The following RAB3C variants were observed in gnomAD, a reference collection of about 807,000 sequenced individuals.
RAB3C encodes ras-related protein Rab-3C.
In RAB3C, 17 loss-of-function variants were observed where a neutral mutation model predicts 26.4. That is an observed-to-expected ratio of 0.64 (90% CI 0.44 to 0.97). RAB3C has a LOEUF of 0.97. Ranked by LOEUF, RAB3C falls within the 50% of genes least tolerant of loss-of-function variation. RAB3C has a pLI of 0.00. For synonymous variants in RAB3C, 91 were observed against 95.9 expected, an observed-to-expected ratio of 0.95 and a Z score of 0.30; for missense variants, 242 against 281.9, an observed-to-expected ratio of 0.86 and a Z score of 1.01.
At chr5:58,615,378 A>G (rs961620563) in intron 1 of RAB3C, among the ~76,000 whole-genome samples, 2 of 152,144 alleles carry the variant, frequency 1.3e-5, no homozygotes, top group Admixed American at 6.6e-5. Context: ...AGGTAAAATA[A>G]TCTTCTTAAT....
At position 58,617,847 on chromosome 5, in the gene RAB3C, A is replaced by G; in HGVS notation, c.229A>G (p.Lys77Glu). 2 of 1,610,782 alleles carry G rather than the reference A, an allele frequency of 1.2e-6. No homozygotes were observed. Among genetic ancestry groups the G allele is most frequent in the Non-Finnish European group, 1.7e-6 (2 of 1,177,664 alleles). The change falls in exon 2 of 5, where the codon AAG (lysine) becomes GAG (glutamate). Residue 77 changes from lysine to glutamate, a missense_variant. By Grantham distance (56) the Lys-to-Glu change is moderately conservative. Coordinates refer to ENST00000282878, the MANE Select transcript of RAB3C (RefSeq NM_138453.4). ...FKVKTVFKNE[K>E]RIKLQIWDTA... ...AGTAAAAACTGTATTCAAAAATGAA[A>G]AGAGAATCAAGCTTCAGATTTGGGT...
intron 3 of RAB3C, chr5:58,823,249 G>A (rs919961108): frequency 2.4e-5 from 6 of 251,136 alleles, no homozygotes; most frequent in African/African-American, 4.5e-5. Context: ...ATATTGGCTG[G>A]GCACGGTGGC....
intron 4 of RAB3C, among the ~76,000 whole-genome samples, chr5:58,848,091 G>A (rs911117282): frequency 4.6e-5 from 7 of 151,958 alleles, no homozygotes; most frequent in African/African-American, 1.2e-4. Context: ...TCCTGACCTC[G>A]GTGATCCACC....
intron 3 of RAB3C, among the ~76,000 whole-genome samples, chr5:58,821,996 G>GTT (rs34762006): frequency 5.9e-5 from 9 of 151,608 alleles, no homozygotes; most frequent in Admixed American, 6.6e-5. Context: ...TTACAAATCT[G>GTT]TTTTTTTTCA....
chr5:58,699,948 G>A (rs1748806394), intron 2 of RAB3C, among the ~76,000 whole-genome samples: 1 of 152,212 alleles, frequency 6.6e-6, no homozygotes, highest in Non-Finnish European at 1.5e-5. Context: ...GCCCTGCTTT[G>A]GCTCACCCTC....
chr5:58,619,149 CT>C (rs5868122), intron 2 of RAB3C, among the ~76,000 whole-genome samples: 2,674 of 151,768 alleles, frequency 0.018, 92 homozygotes, highest in East Asian at 0.15. Context: ...TTACAATAGG[CT>C]GTTACTATTT....
rs869039335 is a variant in RAB3C, at chr5:58,813,592, T to TTATATATATATATATATATA, written c.372-11423_372-11404dup. ...TGTTATGGTTAATTTATATTTATAT[T>TTATATATATATATATATATA]TATATATATATATATATATATATAT... On this transcript the variant is annotated intron_variant, in intron 3 of 4. Transcript: ENST00000282878. Among the ~76,000 whole-genome samples the TTATATATATATATATATATA allele has an allele frequency of 6.3e-5, 3 of 47,816 alleles. No individual in the cohort carries two copies. In the Admixed American group the frequency reaches 7.0e-4, roughly 11 times the overall value. 31.4% of individuals were successfully genotyped at this position (47,816 alleles called of 152,430 possible).
intron 3 of RAB3C, among the ~76,000 whole-genome samples, chr5:58,782,161 G>GA (rs889107610): frequency 3.9e-5 from 6 of 152,114 alleles, no homozygotes; most frequent in Non-Finnish European, 4.4e-5. Flanking sequence ...AAGAATGAAT[G>GA]AATGAATGGG....
rs947322892 is a variant in RAB3C at position 58,797,666 on chromosome 5, G to T, written c.372-27372G>T. On this transcript the variant is annotated intron_variant, in intron 3 of 4. Transcript: ENST00000282878. ...TATTCATGCTGTGGGTCTTGAGATG[G>T]AAGCAGAGGCATAACTGGAAAACAA... is the stretch of plus-strand genomic sequence containing the variant. 5.9e-5 allele frequency among the ~76,000 whole-genome samples: 9 copies of T among 152,162 alleles called. No homozygotes were observed. In the South Asian group the frequency reaches 1.7e-3, roughly 28 times the overall value.
chr5:58,738,526 A>G (rs1409713378), intron 3 of RAB3C, among the ~76,000 whole-genome samples: 1 of 145,228 alleles, frequency 6.9e-6, no homozygotes, highest in Non-Finnish European at 1.5e-5. Flanking sequence ...AGAGAGAGAC[A>G]CTTGTCCTCT....
At chr5:58,632,839 G>C (rs1747213872) in intron 2 of RAB3C, among the ~76,000 whole-genome samples, 1 of 152,078 alleles carries the variant, frequency 6.6e-6, no homozygotes, top group Non-Finnish European at 1.5e-5. Flanking sequence ...TCCCACTTCT[G>C]TCTGATTGCT....
intron 2 of RAB3C, among the ~76,000 whole-genome samples, chr5:58,699,745 G>A (rs750409827): frequency 3.3e-4 from 50 of 152,192 alleles, no homozygotes; most frequent in Non-Finnish European, 6.2e-4. Flanking sequence ...AGTGAGCAAG[G>A]CCCCATGGGC....
At chr5:58,664,132 G>A (rs895951990) in intron 2 of RAB3C, among the ~76,000 whole-genome samples, 1 of 152,130 alleles carries the variant, frequency 6.6e-6, no homozygotes, top group African/African-American at 2.4e-5. Flanking sequence ...ATTTATCCCA[G>A]AGGAATGAAA....
At chr5:58,592,691 A>C (rs1185778294) in intron 1 of RAB3C, among the ~76,000 whole-genome samples, 4 of 152,054 alleles carry the variant, frequency 2.6e-5, no homozygotes, top group Non-Finnish European at 4.4e-5. Context: ...CCTGCATATA[A>C]AATTTCTTGT....
chr5:58,709,477 A>C (rs1401698768), intron 2 of RAB3C, among the ~76,000 whole-genome samples: 1 of 152,222 alleles, frequency 6.6e-6, no homozygotes, highest in African/African-American at 2.4e-5. Flanking sequence ...GCTAATGATC[A>C]GGCCGCAGTT....
At chr5:58,756,352 T>A (rs1205178625) in intron 3 of RAB3C, among the ~76,000 whole-genome samples, 10 of 140,296 alleles carry the variant, frequency 7.1e-5, no homozygotes, top group Non-Finnish European at 1.5e-4. Flanking sequence ...ATATGTTATA[T>A]ATATATATAA....
chr5:58,728,839 A>G (rs1030073228), intron 3 of RAB3C, among the ~76,000 whole-genome samples: 1 of 152,050 alleles, frequency 6.6e-6, no homozygotes, highest in Non-Finnish European at 1.5e-5. Flanking sequence ...TATTTCACTG[A>G]CATCATCTCC....
chr5:58,785,150 G>A (rs958647046), intron 3 of RAB3C, among the ~76,000 whole-genome samples: 7 of 152,158 alleles, frequency 4.6e-5, no homozygotes, highest in African/African-American at 1.7e-4. Context: ...TAGGATTTAG[G>A]TTCTCTTCAT....
At chr5:58,817,257 T>C (rs2675381) in intron 3 of RAB3C, among the ~76,000 whole-genome samples, 66,808 of 151,772 alleles carry the variant, frequency 0.44, 16,088 homozygotes, top group Middle Eastern at 0.66. Flanking sequence ...CTTTTCACTA[T>C]TGTTAGAATT....
Sources: gnomAD v4.1 joint callset for allele counts (sites outside exome capture counted in the v4.1 genomes callset) on GRCh38, gnomAD v4.1.1 for gene constraint, MANE v1.5 for transcripts, NCBI Gene and HGNC (gene_info 2026-07-23, HGNC 2026-07-21) for gene names.